The following WDPCP variants were observed in gnomAD, a reference collection of about 807,000 sequenced individuals.
WDPCP encodes WD repeat containing planar cell polarity effector.
In WDPCP, 71 loss-of-function variants were observed where a neutral mutation model predicts 93.1. The ratio of observed to expected loss-of-function variants is 0.76; its 90% CI spans 0.63 to 0.93. WDPCP has a LOEUF of 0.93. Among genes scored for constraint, WDPCP ranks in the 40% least tolerant of loss-of-function variants. WDPCP has a pLI of 0.00. For synonymous variants in WDPCP, 315 were observed against 315.0 expected (o/e 1.00, Z 0.00); for missense variants, 844 against 887.4 (o/e 0.95, Z 0.62).
At chr2:63,164,922 AAAATACCTAC>A (rs1322203319) in intron 15 of WDPCP, among the ~76,000 whole-genome samples, 10 of 152,180 alleles carry the variant, frequency 6.6e-5, no homozygotes, top group African/African-American at 2.2e-4. Context: ...CAAGGGTATT[AAAATACCTAC>A]TTAACACAAG....
At chr2:63,368,415 T>C (rs1324000683) in intron 12 of WDPCP, among the ~76,000 whole-genome samples, 1 of 152,040 alleles carries the variant, frequency 6.6e-6, no homozygotes, top group African/African-American at 2.4e-5. Context: ...AGCCTCCACC[T>C]CCCAGGTTCA....
chr2:63,482,614 T>G (rs1700334730), intron 6 of WDPCP, among the ~76,000 whole-genome samples: 1 of 151,948 alleles, frequency 6.6e-6, no homozygotes, highest in African/African-American at 2.4e-5. Context: ...CTACATAGAT[T>G]TTTAGAAGAA....
intron 12 of WDPCP, among the ~76,000 whole-genome samples, chr2:63,373,282 G>A (rs556918376): frequency 4.5e-5 from 6 of 132,514 alleles, no homozygotes; most frequent in African/African-American, 1.1e-4. Context: ...AATGACATAC[G>A]GTCTTGCTCT....
At chr2:63,413,999 TA>T (rs1322928086) in intron 9 of WDPCP, among the ~76,000 whole-genome samples, 5 of 148,848 alleles carry the variant, frequency 3.4e-5, no homozygotes, top group Admixed American at 6.7e-5. Flanking sequence ...AAAAATCCCA[TA>T]AAAAAAGTGG....
chr2:63,739,721 G>C (rs1291847941), intron 2 of WDPCP, among the ~76,000 whole-genome samples: 1 of 151,900 alleles, frequency 6.6e-6, no homozygotes, highest in African/African-American at 2.4e-5. Flanking sequence ...CCCTTTTCTT[G>C]ACAACCTTGC....
intron 14 of WDPCP, among the ~76,000 whole-genome samples, chr2:63,204,778 G>A (rs1676205404): frequency 1.3e-5 from 2 of 152,132 alleles, no homozygotes; most frequent in South Asian, 4.2e-4. Context: ...GTAGTTTGCG[G>A]TATTTTCCCC....
intron 2 of WDPCP, among the ~76,000 whole-genome samples, chr2:63,750,149 A>G (rs1352394314): frequency 1.3e-5 from 2 of 152,112 alleles, no homozygotes; most frequent in Admixed American, 1.3e-4. Context: ...ATGGTATGTT[A>G]CCTCTGGGCA....
At position 63,213,331 on chromosome 2, in the gene WDPCP, G is replaced by A. The variant is rs536780495; in HGVS notation, c.1916-38499C>T. On this transcript the variant is annotated intron_variant, in intron 14 of 17. Transcript: ENST00000272321. ...AGGATTAAGAAACTCACTCAAAACC[G>A]CTCAACTACATGGAAACTGAACAAC... Among the ~76,000 whole-genome samples the A allele has an allele frequency of 7.2e-5, 11 of 152,158 alleles. No homozygotes were observed. In the East Asian group the frequency reaches 1.5e-3, roughly 21 times the overall value.
chr2:63,659,798 T>C (rs957349054), intron 2 of WDPCP, among the ~76,000 whole-genome samples: 44 of 152,212 alleles, frequency 2.9e-4, no homozygotes, highest in South Asian at 2.1e-4. Context: ...TATCCTCTAA[T>C]GGCCACCTCC....
chr2:63,172,629 A>C (rs1388799621), intron 15 of WDPCP, among the ~76,000 whole-genome samples: 1 of 152,176 alleles, frequency 6.6e-6, no homozygotes, highest in East Asian at 1.9e-4. Context: ...TTATACAAGG[A>C]AAAATGAAAC....
At chr2:63,527,222 C>T (rs77153088) in intron 1 of WDPCP, among the ~76,000 whole-genome samples, 2 of 138,576 alleles carry the variant, frequency 1.4e-5, no homozygotes, top group African/African-American at 2.7e-5. Context: ...GGCAGGCATG[C>T]TTTTTTTTTT....
chr2:63,720,191 TGGATTG>T (rs1669394681), intron 2 of WDPCP, among the ~76,000 whole-genome samples: 1 of 149,808 alleles, frequency 6.7e-6, no homozygotes, highest in African/African-American at 2.5e-5. Context: ...CTGAGGCGGG[TGGATTG>T]CCTGAGCTCA....
chr2:63,695,192 T>C (rs1299670997), intron 2 of WDPCP, among the ~76,000 whole-genome samples: 1 of 152,218 alleles, frequency 6.6e-6, no homozygotes, highest in Non-Finnish European at 1.5e-5. Flanking sequence ...GAATGAGGAA[T>C]AGATAAAACA....
At chr2:63,368,395 G>A (rs899984256) in intron 12 of WDPCP, among the ~76,000 whole-genome samples, 50 of 151,058 alleles carry the variant, frequency 3.3e-4, no homozygotes, top group African/African-American at 9.0e-4. Context: ...GCACAATATC[G>A]GCTCACTGCA....
intron 15 of WDPCP, among the ~76,000 whole-genome samples, chr2:63,164,910 TAC>T (rs1417417720): frequency 6.6e-5 from 10 of 152,042 alleles, no homozygotes; most frequent in African/African-American, 2.2e-4. Context: ...CCAAAGAAAT[TAC>T]AAGGGTATTA....
At chr2:63,389,468 A>G (rs965018138) in intron 10 of WDPCP, among the ~76,000 whole-genome samples, 4 of 152,222 alleles carry the variant, frequency 2.6e-5, no homozygotes, top group African/African-American at 7.2e-5. Flanking sequence ...AAGACCATCC[A>G]TGCTATGAAG....
chr2:63,408,033 C>G (rs1285211656), intron 9 of WDPCP, among the ~76,000 whole-genome samples: 1 of 152,138 alleles, frequency 6.6e-6, no homozygotes, highest in African/African-American at 2.4e-5. Context: ...GAGATGCTCT[C>G]TAATAGGCTC....
chr2:63,686,246 T>C (rs938221361), intron 2 of WDPCP, among the ~76,000 whole-genome samples: 1 of 152,142 alleles, frequency 6.6e-6, no homozygotes, highest in African/African-American at 2.4e-5. Context: ...ACGAATTCAG[T>C]AAAGTTGCAT....
At chr2:63,221,946 T>A (rs1392297706) in intron 14 of WDPCP, among the ~76,000 whole-genome samples, 1 of 152,130 alleles carries the variant, frequency 6.6e-6, no homozygotes, top group African/African-American at 2.4e-5. Flanking sequence ...TTTAAATATC[T>A]TTGAGGAGGG....
Sources: allele counts gnomAD v4.1 joint callset (sites outside exome capture counted in the v4.1 genomes callset), GRCh38; gene constraint gnomAD v4.1.1; transcripts MANE v1.5; gene names NCBI Gene and HGNC (gene_info 2026-07-23, HGNC 2026-07-21).